Variants in SPAG16 observed in about 807,000 individuals in gnomAD.
SPAG16 encodes sperm associated antigen 16.
In SPAG16, 86 loss-of-function variants were observed where a neutral mutation model predicts 80.4. The ratio of observed to expected loss-of-function variants is 1.07; its 90% confidence interval spans 0.90 to 1.28. SPAG16 has a LOEUF of 1.28. Ranked by LOEUF, SPAG16 falls within the 50% of genes most tolerant of loss-of-function variation. The pLI is 0.00. For missense variants in SPAG16, 870 were observed against 765.3 expected (o/e 1.14, Z -1.61); for synonymous variants, 294 against 265.9 (o/e 1.11, Z -1.03).
intron 3 of SPAG16, 136 bp from the exon 4 acceptor site, chr2:213,309,923 G>T: frequency 1.8e-6 from 1 of 555,830 alleles, no homozygotes; most frequent in Non-Finnish European, 3.2e-6. Context: ...AAATATTAAT[G>T]GTTCCTGGCA....
intron 13 of SPAG16, among the ~76,000 whole-genome samples, chr2:214,099,109 G>T (rs2052809571): frequency 6.6e-6 from 1 of 152,042 alleles, no homozygotes; most frequent in Non-Finnish European, 1.5e-5. Flanking sequence ...TTGTTTACTT[G>T]TAAGCAGGGC....
At chr2:214,317,359 T>C (rs537309304) in intron 15 of SPAG16, among the ~76,000 whole-genome samples, 45 of 152,304 alleles carry the variant, frequency 3.0e-4, no homozygotes, top group Admixed American at 2.8e-3. Flanking sequence ...ACATACTCCA[T>C]TGAAAACAGA....
intron 15 of SPAG16, among the ~76,000 whole-genome samples, chr2:214,308,997 A>C (rs1254433210): frequency 1.3e-5 from 2 of 151,280 alleles, no homozygotes; most frequent in African/African-American, 4.9e-5. Context: ...AATTGGTTTC[A>C]TTCTCCCCAT....
intron 9 of SPAG16, among the ~76,000 whole-genome samples, chr2:213,392,585 A>C (rs1314488121): frequency 1.3e-5 from 2 of 152,134 alleles, no homozygotes; most frequent in Non-Finnish European, 2.9e-5. Context: ...GGTGGCTCAC[A>C]CCTGTAATCC....
At chr2:213,524,246 T>G (rs1051168315) in intron 10 of SPAG16, among the ~76,000 whole-genome samples, 8 of 152,202 alleles carry the variant, frequency 5.3e-5, no homozygotes, top group African/African-American at 1.9e-4. Flanking sequence ...AGCCTGCAGA[T>G]GTACAGAAGA....
intron 10 of SPAG16, among the ~76,000 whole-genome samples, chr2:213,722,035 T>C (rs955566829): frequency 2.6e-5 from 4 of 152,210 alleles, no homozygotes; most frequent in African/African-American, 7.2e-5. Flanking sequence ...CTAACTGAAA[T>C]TGGAATTACC....
chr2:213,624,613 T>A (rs1414022458), intron 10 of SPAG16, among the ~76,000 whole-genome samples: 2 of 152,200 alleles, frequency 1.3e-5, no homozygotes, highest in Non-Finnish European at 2.9e-5. Context: ...GACTGGTAAG[T>A]TACAGAGCTG....
chr2:213,854,587 A>G (rs573411420), intron 10 of SPAG16, among the ~76,000 whole-genome samples: 1 of 152,188 alleles, frequency 6.6e-6, no homozygotes, highest in African/African-American at 2.4e-5. Flanking sequence ...CTAAATTTTC[A>G]CTATGTGTCT....
At chr2:213,580,135 C>T (rs1034790321) in intron 10 of SPAG16, among the ~76,000 whole-genome samples, 2 of 151,884 alleles carry the variant, frequency 1.3e-5, no homozygotes, top group Non-Finnish European at 2.9e-5. Context: ...TCCAGAGGTG[C>T]TTACCCTATA....
intron 10 of SPAG16, among the ~76,000 whole-genome samples, chr2:213,727,878 C>T (rs901335479): frequency 1.3e-5 from 2 of 151,920 alleles, no homozygotes; most frequent in Non-Finnish European, 2.9e-5. Flanking sequence ...GACGGAATTT[C>T]ACTCTTGTCG....
chr2:214,234,735 T>C (rs1024922600), intron 15 of SPAG16, among the ~76,000 whole-genome samples: 1 of 152,070 alleles, frequency 6.6e-6, no homozygotes, highest in Non-Finnish European at 1.5e-5. Flanking sequence ...AATGGGGTTG[T>C]TTTTTTCTTG....
chr2:214,258,069 T>G (rs1297734490), intron 15 of SPAG16, among the ~76,000 whole-genome samples: 1 of 152,134 alleles, frequency 6.6e-6, no homozygotes, highest in Non-Finnish European at 1.5e-5. Context: ...ACTTATGTTG[T>G]AGAATTTCCT....
intron 6 of SPAG16, among the ~76,000 whole-genome samples, chr2:213,350,161 A>G (rs1281616066): frequency 6.6e-6 from 1 of 152,178 alleles, no homozygotes; most frequent in Non-Finnish European, 1.5e-5. Flanking sequence ...ATGTTTAATC[A>G]TCTATTGTTT....
At chr2:213,996,759 G>A (rs1045362428) in intron 12 of SPAG16, among the ~76,000 whole-genome samples, 4 of 151,832 alleles carry the variant, frequency 2.6e-5, no homozygotes, top group East Asian at 1.9e-4. Context: ...TAGTAGAGAC[G>A]GGGTTTCACC....
At chr2:213,866,031 C>T (rs1216461361) in intron 11 of SPAG16, among the ~76,000 whole-genome samples, 1 of 150,826 alleles carries the variant, frequency 6.6e-6, no homozygotes, top group Non-Finnish European at 1.5e-5. Context: ...AAAACCTGGA[C>T]TAGATTAAAA....
chr2:214,061,812 A>G (rs2050270150), intron 13 of SPAG16, among the ~76,000 whole-genome samples: 1 of 152,170 alleles, frequency 6.6e-6, no homozygotes, highest in Non-Finnish European at 1.5e-5. Flanking sequence ...AAGCAGCCCT[A>G]GGTTGAGCAC....
chr2:213,648,452 T>A (rs1296868824), intron 10 of SPAG16, among the ~76,000 whole-genome samples: 14 of 152,242 alleles, frequency 9.2e-5, no homozygotes, highest in Admixed American at 9.2e-4. Flanking sequence ...TTGATTAAGC[T>A]ATAGACCACC....
At chr2:213,796,966 A>G (rs1409187432) in intron 10 of SPAG16, among the ~76,000 whole-genome samples, 2 of 152,028 alleles carry the variant, frequency 1.3e-5, no homozygotes, top group Admixed American at 6.6e-5. Context: ...GTGGATGTGG[A>G]AGAAAGTGAT....
chr2:214,086,451 G>A (rs564388521), intron 13 of SPAG16, among the ~76,000 whole-genome samples: 4 of 152,164 alleles, frequency 2.6e-5, no homozygotes, highest in Admixed American at 2.6e-4. Flanking sequence ...ATGTGTTGGG[G>A]GAGGGACCTT....
Sources: allele counts gnomAD v4.1 joint callset (sites outside exome capture counted in the v4.1 genomes callset), GRCh38; gene constraint gnomAD v4.1.1; transcripts MANE v1.5; gene names NCBI Gene and HGNC (gene_info 2026-07-23, HGNC 2026-07-21).